ZNF558: variants seen among roughly 807,000 people sequenced by gnomAD.
ZNF558 encodes zinc finger protein 558.
A neutral mutation model predicts 37.6 loss-of-function variants in ZNF558; 23 were observed. The ratio of observed to expected loss-of-function variants is 0.61; its 90% CI spans 0.44 to 0.87. The LOEUF (loss-of-function observed/expected upper bound fraction) is 0.87. Among genes scored for constraint, ZNF558 ranks in the 40% least tolerant of loss-of-function variants. The pLI is 0.00. For synonymous variants in ZNF558, 189 were observed against 174.4 expected (o/e 1.08, Z -0.66); for missense variants, 429 against 483.7 (o/e 0.89, Z 1.06).
intron 7 of ZNF558, among the ~76,000 whole-genome samples, chr19:8,818,072 T>A (rs1355498644): frequency 6.6e-6 from 1 of 152,196 alleles, no homozygotes; most frequent in Non-Finnish European, 1.5e-5. Flanking sequence ...ATAGATTATA[T>A]GTTAGGCTAT....
chr19:8,826,520 G>C (rs2044235269), intron 2 of ZNF558, among the ~76,000 whole-genome samples: 2 of 151,978 alleles, frequency 1.3e-5, no homozygotes, highest in Non-Finnish European at 2.9e-5. Flanking sequence ...GTTCACAATA[G>C]GGTTTGGGCT....
intron 7 of ZNF558, among the ~76,000 whole-genome samples, chr19:8,816,637 T>C (rs371510444): frequency 6.6e-6 from 1 of 152,148 alleles, no homozygotes; most frequent in African/African-American, 2.4e-5. Context: ...CTATTACATC[T>C]ACCCTACAAA....
At position 8,806,712 on chromosome 19, in the gene ZNF558, A is replaced by AC. The variant is rs1345201150; in HGVS notation, c.*4568_*4569insG. On this transcript the variant is annotated 3_prime_UTR_variant, in exon 10 of 10. Coordinates refer to ENST00000601372, the MANE Select transcript of ZNF558 (RefSeq NM_144693.3). ...GACTCCATCTCAAAAAAAAAAAAAA[A>AC]AATATTCCCTCCCATTGGAAAACAT... The AC allele has an allele frequency of 6.6e-6, 1 of 151,702 alleles. No individual in the cohort carries two copies. The highest frequency in any genetic ancestry group is 1.5e-5 in the Non-Finnish European group (1 of 67,910). 9.4% of individuals were successfully genotyped at this position (151,702 alleles called of 1,614,324 possible). A position where few individuals can be genotyped will look rare whatever the true frequency, so the allele number is the denominator to read the frequency against.
intron 6 of ZNF558, chr19:8,821,632 CA>C: frequency 1.5e-6 from 2 of 1,325,570 alleles, no homozygotes; most frequent in Non-Finnish European, 1.9e-6. Flanking sequence ...TTATTTCCCT[CA>C]ATCTCCAGGG....
Position 8,822,178 on chromosome 19 carries a change from C to A in ZNF558, c.32-87G>T, listed in dbSNP as rs2044111333. 3 of 1,521,744 alleles carry A rather than the reference C, an allele frequency of 2.0e-6. No homozygotes were observed. The highest frequency in any genetic ancestry group is 1.2e-5 in the South Asian group (1 of 85,160). The allele number at this position is 1,521,744 out of a possible 1,614,324, so 94.3% of individuals were successfully genotyped here. On this transcript the variant is annotated intron_variant, in intron 5 of 9. Transcript: ENST00000601372. This position sits in a 1 kb window ranked among gnomAD's most constrained non-coding sequence, Gnocchi z 4.4. ...TGATTGACCACACCCACCTCCCACA[C>A]CCACACGGATGAGGCACCACACAGT...
Position 8,822,184 on chromosome 19 carries a change from C to T in ZNF558, c.32-93G>A, listed in dbSNP as rs113066265. 0.03 allele frequency: 44,126 copies of T among 1,481,394 alleles called. 830 individuals are homozygous for T. Among genetic ancestry groups the T allele is most frequent in the Non-Finnish European group, 0.037 (40,264 of 1,075,260 alleles). The allele number at this position is 1,481,394 out of a possible 1,614,324, so 91.8% of individuals were successfully genotyped here. ...ACCACACCCACCTCCCACACCCACA[C>T]GGATGAGGCACCACACAGTGCCCAC... On this transcript the variant is annotated intron_variant, in intron 5 of 9. Coordinates refer to ENST00000601372, the MANE Select transcript of ZNF558 (RefSeq NM_144693.3). The surrounding 1 kb of genome is among the most constrained non-coding windows in gnomAD (Gnocchi z 4.4).
Position 8,806,524 on chromosome 19 carries a change from C to T in ZNF558, c.*4757G>A, listed in dbSNP as rs570716894. 2 of 152,074 alleles carry T rather than the reference C, an allele frequency of 1.3e-5. No homozygotes were observed. The highest frequency in any genetic ancestry group is 4.8e-5 in the African/African-American group (2 of 41,390). The allele number at this position is 152,074 out of a possible 1,614,324, so 9.4% of individuals were successfully genotyped here. ...GACCATCCTGGCCAACATGGTGAAA[C>T]CCTGTCTCCACTAAAAATACAAAAA... On this transcript the variant is annotated 3_prime_UTR_variant, in exon 10 of 10. Transcript: ENST00000601372.
In ZNF558 at chr19:8,822,870, A is replaced by G; in HGVS notation, c.-65-146T>C. ...TGGGCCTTTATTTTGCTGAGCAGGC[A>G]ATGAATTCAGGGCCACCTGATGGAA... On this transcript the variant is annotated intron_variant, in intron 4 of 9. Transcript: ENST00000601372. This position sits in a 1 kb window ranked among gnomAD's most constrained non-coding sequence, Gnocchi z 4.4. 2 of 727,916 alleles carry G rather than the reference A, an allele frequency of 2.7e-6. No individual in the cohort carries two copies. Among genetic ancestry groups the G allele is most frequent in the Admixed American group, 5.2e-5 (2 of 38,160 alleles). The allele number at this position is 727,916 out of a possible 1,614,324, so 45.1% of individuals were successfully genotyped here. A position where few individuals can be genotyped will look rare whatever the true frequency, so the allele number is the denominator to read the frequency against.
intron 7 of ZNF558, among the ~76,000 whole-genome samples, chr19:8,818,164 A>C (rs1310926557): frequency 6.6e-6 from 1 of 152,152 alleles, no homozygotes; most frequent in Admixed American, 6.5e-5. Flanking sequence ...ATTAAAAATG[A>C]GTAACAGGGC....
Position 8,811,684 on chromosome 19 carries a change from C to A in ZNF558, c.806G>T (p.Cys269Phe). The A allele has an allele frequency of 6.2e-7, 1 of 1,614,192 alleles. No homozygotes were observed. Among genetic ancestry groups the A allele is most frequent in the Non-Finnish European group, 8.5e-7 (1 of 1,180,044 alleles). ...GGACCTTGTGCTGAAAGCTTTTCCA[C>A]ACTGATTACATTCATGGTGATTCTC... ...TGENHHECNQCGKAFSTRSSL... is the reference protein window; with the variant it reads ...TGENHHECNQFGKAFSTRSSL... Residue 269 changes from cysteine to phenylalanine, a missense_variant, in exon 10 of 10, where the codon TGT (cysteine) becomes TTT (phenylalanine). Cys to Phe is a radical substitution (Grantham distance 205). Coordinates refer to ENST00000601372, the MANE Select transcript of ZNF558 (RefSeq NM_144693.3).
chr19:8,813,822 T>C (rs1298203935), intron 7 of ZNF558, among the ~76,000 whole-genome samples: 3 of 152,206 alleles, frequency 2.0e-5, no homozygotes, highest in African/African-American at 4.8e-5. Context: ...CTTTTAACCA[T>C]GAAGAATATA....
At chr19:8,829,756 T>G (rs752743230) in intron 2 of ZNF558, among the ~76,000 whole-genome samples, 3 of 152,176 alleles carry the variant, frequency 2.0e-5, no homozygotes, top group Non-Finnish European at 2.9e-5. Flanking sequence ...CACCATTAAC[T>G]GTGCACTCAA....
chr19:8,830,463 G>GA (rs978378685), intron 2 of ZNF558, among the ~76,000 whole-genome samples: 21 of 149,158 alleles, frequency 1.4e-4, no homozygotes, highest in East Asian at 3.9e-4. Context: ...ATCTCATTAG[G>GA]AAAAAAAAAA....
upstream of ZNF558, chr19:8,832,507 TG>T (rs1290354931): frequency 2.0e-5 from 3 of 151,804 alleles, no homozygotes; most frequent in Middle Eastern, 3.4e-3. Context: ...GGCCCTGGCC[TG>T]GGGCAGTAGC....
At chr19:8,813,579 G>A (rs2043853853) in intron 7 of ZNF558, among the ~76,000 whole-genome samples, 1 of 152,110 alleles carries the variant, frequency 6.6e-6, no homozygotes. Context: ...GGCAGGTCTT[G>A]ATCTCTTGAT....
At chr19:8,835,639 A>G (rs2044447467), upstream of ZNF558, among the ~76,000 whole-genome samples, 1 of 152,346 alleles carries the variant, frequency 6.6e-6, no homozygotes, top group East Asian at 1.9e-4. Flanking sequence ...AAAAAGTCAT[A>G]GAGTTGCCAC....
In ZNF558 at chr19:8,812,041, T is replaced by C; in HGVS notation, c.449A>G (p.Lys150Arg). Residue 150 changes from lysine (K) to arginine (R), a missense_variant, in exon 10 of 10, where the codon AAA becomes AGA. Coordinates refer to ENST00000601372, the MANE Select transcript of ZNF558 (RefSeq NM_144693.3). Reference sequence around the variant, plus strand: ...AAAACACTGATTACATTCATTGAGTTTCACTCCACGATGACTTCTTTCCTG... The same window carrying C: ...AAAACACTGATTACATTCATTGAGTCTCACTCCACGATGACTTCTTTCCTG... ...VKTERSHRGV[K>R]LNECNQCFKV... is the part of the protein sequence containing the mutation. 2.5e-6 allele frequency: 4 copies of C among 1,594,990 alleles called. No homozygotes were observed. Among genetic ancestry groups the C allele is most frequent in the Non-Finnish European group, 3.4e-6 (4 of 1,170,070 alleles).
At chr19:8,817,193 A>T (rs1028598193) in intron 7 of ZNF558, among the ~76,000 whole-genome samples, 10 of 152,200 alleles carry the variant, frequency 6.6e-5, no homozygotes, top group African/African-American at 2.4e-4. Flanking sequence ...CAGTAATTAC[A>T]TCATTACAAG....
At chr19:8,813,516 G>A (rs781993625) in intron 7 of ZNF558, among the ~76,000 whole-genome samples, 8 of 152,064 alleles carry the variant, frequency 5.3e-5, no homozygotes, top group Non-Finnish European at 7.4e-5. Context: ...ACACAACCAC[G>A]CCCGGCTAAT....
Sources: allele counts gnomAD v4.1 joint callset (sites outside exome capture counted in the v4.1 genomes callset), GRCh38; gene constraint gnomAD v4.1.1; non-coding constraint Gnocchi (gnomAD v3.1); transcripts MANE v1.5; gene names NCBI Gene and HGNC (gene_info 2026-07-23, HGNC 2026-07-21).